CD5L: variants seen among roughly 807,000 people sequenced by gnomAD.
CD5L encodes CD5 molecule like.
A neutral mutation model predicts 40.8 loss-of-function variants in CD5L; 39 were observed. The ratio of observed to expected loss-of-function variants is 0.96; its 90% CI spans 0.74 to 1.25. CD5L has a LOEUF of 1.25. Among genes scored for constraint, CD5L ranks in the 50% most tolerant of loss-of-function variants. The pLI is 0.00. For missense variants in CD5L, 433 were observed against 435.9 expected, an observed-to-expected ratio of 0.99 and a Z score of 0.06; for synonymous variants, 192 against 169.6, an observed-to-expected ratio of 1.13 and a Z score of -1.03.
Position 157,836,061 on chromosome 1 carries a change from A to C in CD5L, c.150T>G (p.Asp50Glu). The C allele has an allele frequency of 6.2e-7, 1 of 1,614,146 alleles. No individual in the cohort carries two copies. Among genetic ancestry groups the C allele is most frequent in the Non-Finnish European group, 8.5e-7 (1 of 1,180,034 alleles). ...CCACGTCCTTAATGTCCCAGCCGTC[A>C]TCACACACGGTGCCCCACTGGCCTT... ...EQKGQWGTVC[D>E]DGWDIKDVAV... The change falls in exon 3 of 6, where the codon GAT becomes GAG. Residue 50 changes from aspartate (D) to glutamate (E), a missense_variant. Coordinates refer to ENST00000368174, the MANE Select transcript of CD5L (RefSeq NM_005894.3).
intron 2 of CD5L, among the ~76,000 whole-genome samples, chr1:157,837,771 A>T (rs1036737799): frequency 1.6e-4 from 18 of 111,646 alleles, no homozygotes; most frequent in African/African-American, 5.4e-4. Flanking sequence ...TAATCTAGCT[A>T]TTTTTTTTTT....
downstream of CD5L, among the ~76,000 whole-genome samples, chr1:157,830,210 G>A (rs75965541): frequency 1.3e-5 from 2 of 152,112 alleles, no homozygotes; most frequent in Admixed American, 6.5e-5. Context: ...TCTGAATAAT[G>A]CAGGGTAAAC....
chr1:157,837,828 T>G (rs889591995), intron 2 of CD5L, among the ~76,000 whole-genome samples: 1 of 146,286 alleles, frequency 6.8e-6, no homozygotes, highest in South Asian at 2.1e-4. Context: ...CAGGCTGGAG[T>G]GCAGTGGCAC....
intron 5 of CD5L, 95 bp downstream of exon 5, chr1:157,833,097 G>T: frequency 2.0e-6 from 2 of 1,019,000 alleles, no homozygotes; most frequent in Admixed American, 2.1e-5. Context: ...TGGCGCTTGT[G>T]AAAATACCCT....
At position 157,831,342 on chromosome 1, in the gene CD5L, AT is replaced by A; in HGVS notation, c.*621del. On this transcript the variant is annotated 3_prime_UTR_variant, in exon 6 of 6. Coordinates refer to ENST00000368174, the MANE Select transcript of CD5L (RefSeq NM_005894.3). The stretch of plus-strand genomic sequence containing the variant: ...TTTACACGTCATGAAAAGGTCTAGG[AT>A]TATAGGACGCTGCTCTGCTCCTGAA... 8 of 985,324 alleles carry A rather than the reference AT, an allele frequency of 8.1e-6. No homozygotes were observed. The highest frequency in any genetic ancestry group is 9.6e-6 in the Non-Finnish European group (8 of 829,912). 61.0% of individuals were successfully genotyped at this position (985,324 alleles called of 1,614,324 possible).
Position 157,833,376 on chromosome 1 carries a change from C to T in CD5L, c.855G>A (p.Leu285=), listed in dbSNP as rs747681014. 6.2e-7 allele frequency: 1 copy of T among 1,614,082 alleles called. No homozygotes were observed. The highest frequency in any genetic ancestry group is 8.5e-7 in the Non-Finnish European group (1 of 1,180,022). ...AGGGAGAGAGGGACTTCCCACAGCC[C>T]AGTTGCTTGCATACCACCTGGTCCT... is the stretch of plus-strand genomic sequence containing the variant. ...EKEDQVVCKQ[L]GCGKSLSPSF... is the part of the protein sequence containing the mutation. The change falls in exon 5 of 6, where the codon CTG becomes CTA. Residue 285 remains leucine, a synonymous_variant. Coordinates refer to ENST00000368174, the MANE Select transcript of CD5L (RefSeq NM_005894.3).
rs1272124644 is a variant in CD5L, at chr1:157,834,513, G to C, written c.612C>G (p.Ser204Arg). Residue 204 changes from serine to arginine, a missense_variant, in exon 4 of 6, where the codon AGC becomes AGG. Physicochemically the swap from Ser to Arg is moderately radical, Grantham distance 110. Coordinates refer to ENST00000368174, the MANE Select transcript of CD5L (RefSeq NM_005894.3). ...CTTCTCGTCCTGAGCATGACATCTG[G>C]CTCAGCCAGATGGGTTTTCGGCCAT... is the stretch of plus-strand genomic sequence containing the variant. ...HAYGRKPIWL[S>R]QMSCSGREAT... The C allele has an allele frequency of 3.1e-6, 5 of 1,614,080 alleles. No homozygotes were observed. Among genetic ancestry groups the C allele is most frequent in the Non-Finnish European group, 4.2e-6 (5 of 1,180,044 alleles).
At chr1:157,828,114 A>C (rs955285856), downstream of CD5L, among the ~76,000 whole-genome samples, 2 of 152,164 alleles carry the variant, frequency 1.3e-5, no homozygotes, top group Admixed American at 6.5e-5. Context: ...AAATTCCACA[A>C]GACCAGGGAA....
intron 3 of CD5L, among the ~76,000 whole-genome samples, chr1:157,835,092 T>C (rs1180020800): frequency 6.6e-6 from 1 of 152,272 alleles, no homozygotes; most frequent in Non-Finnish European, 1.5e-5. Flanking sequence ...AAATGCTTTT[T>C]GGTTCATTGT....
chr1:157,841,219 A>G (rs1656361471), intron 1 of CD5L, among the ~76,000 whole-genome samples: 1 of 152,178 alleles, frequency 6.6e-6, no homozygotes, highest in Non-Finnish European at 1.5e-5. Flanking sequence ...TAATCTCTAG[A>G]TTACTCTAAG....
rs142096619 is a variant in CD5L, at chr1:157,832,121, C to A, written c.1040-153G>T. 3.1e-4 allele frequency among the ~76,000 whole-genome samples: 47 copies of A among 152,274 alleles called. 1 individual carries two copies. Among genetic ancestry groups the A allele is most frequent in the African/African-American group, 1.1e-3 (47 of 41,540 alleles). On this transcript the variant is annotated intron_variant, in intron 5 of 5. Transcript: ENST00000368174. ...AGATCCCACACTGATGTGAGCCAGG[C>A]CAGAACCTTGTGCAGTATCCCAGGG...
intron 1 of CD5L, among the ~76,000 whole-genome samples, chr1:157,839,869 G>A (rs1288463228): frequency 6.6e-6 from 1 of 152,164 alleles, no homozygotes; most frequent in Non-Finnish European, 1.5e-5. Flanking sequence ...CATCGGCACA[G>A]CATTTAGACC....
chr1:157,841,077 C>T (rs958863704), intron 1 of CD5L, among the ~76,000 whole-genome samples: 5 of 152,094 alleles, frequency 3.3e-5, no homozygotes, highest in African/African-American at 4.8e-5. Flanking sequence ...ATAATATTAT[C>T]CTCACTTCAT....
chr1:157,831,535 C>T lies in CD5L; in HGVS notation c.*429G>A. On this transcript the variant is annotated 3_prime_UTR_variant, in exon 6 of 6. Coordinates refer to ENST00000368174, the MANE Select transcript of CD5L (RefSeq NM_005894.3). Reference sequence around the variant, plus strand: ...CACATTTTCTTTCAAATGTTCCTTTCATTGTTTCATTCCTTTAATGTTTGC... The same window carrying T: ...CACATTTTCTTTCAAATGTTCCTTTTATTGTTTCATTCCTTTAATGTTTGC... 1 of 994,176 alleles carries T rather than the reference C, an allele frequency of 1.0e-6. No homozygotes were observed. Among genetic ancestry groups the T allele is most frequent in the Non-Finnish European group, 1.2e-6 (1 of 836,044 alleles). 61.6% of individuals were successfully genotyped at this position (994,176 alleles called of 1,614,324 possible).
intron 2 of CD5L, among the ~76,000 whole-genome samples, chr1:157,836,384 A>C (rs1656215880): frequency 6.6e-6 from 1 of 152,212 alleles, no homozygotes; most frequent in South Asian, 2.1e-4. Context: ...CTCTACTTCA[A>C]GATACCTGGA....
intron 4 of CD5L, 104 bp downstream of exon 4, chr1:157,834,303 A>G (rs1268629480): frequency 4.3e-6 from 4 of 930,714 alleles, no homozygotes; most frequent in Non-Finnish European, 6.4e-6. Context: ...TAAGTTTGCA[A>G]TGGTCCTTTG....
downstream of CD5L, among the ~76,000 whole-genome samples, chr1:157,830,709 G>T (rs969971140): frequency 1.3e-5 from 2 of 152,194 alleles, no homozygotes; most frequent in African/African-American, 4.8e-5. Context: ...TGAAGTCCAG[G>T]AGCAGCAGAA....
chr1:157,832,087 G>A (rs752602094), intron 5 of CD5L, 119 bp from the exon 6 acceptor site: 34 of 751,552 alleles, frequency 4.5e-5, no homozygotes, highest in Non-Finnish European at 7.2e-5. Flanking sequence ...AAAGAGCTAA[G>A]CCATGTACAG....
In CD5L at chr1:157,835,194, T is replaced by G. The variant is rs532374895; in HGVS notation, c.377-446A>C. ...GAGTCTTCAATGTCAAGGCAAAAAG[T>G]GACTGTTTCCCTAGAAACAAATTCT... On this transcript the variant is annotated intron_variant, in intron 3 of 5. Transcript: ENST00000368174. Among the ~76,000 whole-genome samples, 6 of 152,324 alleles carry G rather than the reference T, an allele frequency of 3.9e-5. No homozygotes were observed. In the South Asian group the frequency reaches 1.2e-3, roughly 32 times the overall value.
Sources: allele counts gnomAD v4.1 joint callset (sites outside exome capture counted in the v4.1 genomes callset), GRCh38; gene constraint gnomAD v4.1.1; transcripts MANE v1.5; gene names NCBI Gene and HGNC (gene_info 2026-07-23, HGNC 2026-07-21).